Variants in KCNH5 observed in about 807,000 individuals in gnomAD.
KCNH5 encodes potassium voltage-gated channel subfamily H member 5, also known as voltage-gated delayed rectifier potassium channel KCNH5.
Under a neutral mutation model 96.1 loss-of-function variants are expected in KCNH5, and 46 were observed. The observed-to-expected ratio is 0.48, with a 90% CI of 0.38 to 0.61. KCNH5 has a LOEUF of 0.61. KCNH5 is among the 20% of genes least tolerant of loss of function. The probability of loss-of-function intolerance (pLI) is 0.00; values close to 1 mark genes in which losing one functional copy is unlikely to be tolerated. For missense variants in KCNH5, 907 were observed against 1,225.8 expected (o/e 0.74, Z 3.88); for synonymous variants, 439 against 449.8 (o/e 0.98, Z 0.30).
intron 10 of KCNH5, among the ~76,000 whole-genome samples, chr14:62,731,663 C>T (rs1370516094): frequency 6.6e-6 from 1 of 152,172 alleles, no homozygotes; most frequent in Admixed American, 6.5e-5. Context: ...GTTACCTGAA[C>T]TTTATGAAAT....
At chr14:62,898,372 A>T (rs918294381) in intron 7 of KCNH5, among the ~76,000 whole-genome samples, 1 of 152,180 alleles carries the variant, frequency 6.6e-6, no homozygotes, top group Admixed American at 6.5e-5. Flanking sequence ...GACTATGTTA[A>T]GCATACACAT....
intron 10 of KCNH5, among the ~76,000 whole-genome samples, chr14:62,763,685 G>C (rs977191279): frequency 6.6e-6 from 1 of 151,942 alleles, no homozygotes; most frequent in Admixed American, 6.6e-5. Context: ...AAACACATCA[G>C]AAATAACAAA....
At chr14:62,810,631 C>T (rs187701191) in intron 8 of KCNH5, among the ~76,000 whole-genome samples, 1 of 152,210 alleles carries the variant, frequency 6.6e-6, no homozygotes, top group Admixed American at 6.6e-5. Flanking sequence ...ACTACACTCC[C>T]ATCAGTGCCA....
intron 10 of KCNH5, among the ~76,000 whole-genome samples, chr14:62,746,024 G>A (rs1885368487): frequency 6.6e-6 from 1 of 152,166 alleles, no homozygotes. Flanking sequence ...AGAACAAAAT[G>A]GGGGAAGTGG....
At chr14:62,926,295 C>T (rs1306185384) in intron 7 of KCNH5, among the ~76,000 whole-genome samples, 1 of 152,088 alleles carries the variant, frequency 6.6e-6, no homozygotes, top group African/African-American at 2.4e-5. Flanking sequence ...CAGCTCAAAC[C>T]ACTATGTTGG....
At chr14:62,937,143 A>G (rs139327855) in intron 7 of KCNH5, among the ~76,000 whole-genome samples, 34 of 152,250 alleles carry the variant, frequency 2.2e-4, no homozygotes, top group Admixed American at 2.0e-3. Context: ...GACACAACAA[A>G]TGACCATCCA....
intron 8 of KCNH5, among the ~76,000 whole-genome samples, chr14:62,813,874 T>A (rs1314338890): frequency 1.3e-5 from 2 of 152,162 alleles, no homozygotes; most frequent in Non-Finnish European, 2.9e-5. Flanking sequence ...AAAGCTCACC[T>A]TTATATTTAA....
chr14:62,779,140 A>G lies in KCNH5; in HGVS notation c.2019+588T>C, dbSNP rs575401783. Among the ~76,000 whole-genome samples, 54 of 152,342 alleles carry G rather than the reference A, an allele frequency of 3.5e-4. 1 individual carries two copies. The South Asian group carries it at 0.011, about 32-fold the overall frequency. On this transcript the variant is annotated intron_variant, in intron 10 of 10. Coordinates refer to ENST00000322893, the MANE Select transcript of KCNH5 (RefSeq NM_139318.5). Reference sequence around the variant, plus strand: ...CAGAACTAGGAGATTTCTTCATGCAAATTAAATTTGTGTCACACTCATTGG... The same window carrying G: ...CAGAACTAGGAGATTTCTTCATGCAGATTAAATTTGTGTCACACTCATTGG...
At chr14:62,963,783 T>G (rs1254711512) in intron 6 of KCNH5, among the ~76,000 whole-genome samples, 3 of 151,936 alleles carry the variant, frequency 2.0e-5, no homozygotes, top group Non-Finnish European at 4.4e-5. Flanking sequence ...CCAGTTAAGT[T>G]GAGATGAAAT....
intron 8 of KCNH5, among the ~76,000 whole-genome samples, chr14:62,838,705 G>A (rs1029729313): frequency 6.6e-6 from 1 of 152,148 alleles, no homozygotes; most frequent in African/African-American, 2.4e-5. Flanking sequence ...TGCCTTTACA[G>A]TGCAGACATA....
At chr14:62,844,574 G>A (rs1887652977) in intron 8 of KCNH5, among the ~76,000 whole-genome samples, 1 of 151,752 alleles carries the variant, frequency 6.6e-6, no homozygotes, top group Non-Finnish European at 1.5e-5. Flanking sequence ...CAGAATATTA[G>A]CAAGCAGCAA....
chr14:62,809,845 A>G (rs1886838522), intron 8 of KCNH5, among the ~76,000 whole-genome samples: 1 of 152,076 alleles, frequency 6.6e-6, no homozygotes, highest in Non-Finnish European at 1.5e-5. Flanking sequence ...TGTTTCTGCA[A>G]TTTAGGCTAA....
chr14:62,715,364 G>A (rs1884661642), intron 10 of KCNH5, among the ~76,000 whole-genome samples: 1 of 152,180 alleles, frequency 6.6e-6, no homozygotes, highest in Non-Finnish European at 1.5e-5. Flanking sequence ...GCAGTGAGTA[G>A]CTCTGGTTCA....
At chr14:62,821,874 A>G (rs17834917) in intron 8 of KCNH5, among the ~76,000 whole-genome samples, 13,912 of 152,138 alleles carry the variant, frequency 0.091, 775 homozygotes, top group Admixed American at 0.15. Context: ...CAGATCGAAG[A>G]CAGCAAATTG....
intron 8 of KCNH5, among the ~76,000 whole-genome samples, chr14:62,815,868 T>C (rs1886966969): frequency 6.6e-6 from 1 of 151,796 alleles, no homozygotes; most frequent in Non-Finnish European, 1.5e-5. Flanking sequence ...ATTTAAGACA[T>C]ATACACACAC....
At chr14:62,903,806 G>A (rs1357633152) in intron 7 of KCNH5, among the ~76,000 whole-genome samples, 1 of 151,906 alleles carries the variant, frequency 6.6e-6, no homozygotes, top group Non-Finnish European at 1.5e-5. Flanking sequence ...TCCATTTGTG[G>A]GGCTATCAAA....
At position 62,703,572 on chromosome 14, in the gene KCNH5, G is replaced by C. The variant is rs1321775171; in HGVS notation, c.*3936C>G. 6.6e-6 allele frequency: 1 copy of C among 151,800 alleles called. No homozygotes were observed. The highest frequency in any genetic ancestry group is 2.4e-5 in the African/African-American group (1 of 41,398). 9.4% of individuals were successfully genotyped at this position (151,800 alleles called of 1,614,324 possible). On this transcript the variant is annotated 3_prime_UTR_variant, in exon 11 of 11. Coordinates refer to ENST00000322893, the MANE Select transcript of KCNH5 (RefSeq NM_139318.5). ...TAACTTGCCCATAATTACACTTCTAGTTTGTGGTAAAGCTAAATTCAGAAC... is the reference window on the plus strand; with the variant it reads ...TAACTTGCCCATAATTACACTTCTACTTTGTGGTAAAGCTAAATTCAGAAC...
At chr14:62,765,126 T>C (rs905646282) in intron 10 of KCNH5, among the ~76,000 whole-genome samples, 2 of 152,142 alleles carry the variant, frequency 1.3e-5, no homozygotes, top group South Asian at 4.1e-4. Flanking sequence ...CAAACTATAC[T>C]ACAAGGCTAC....
At chr14:62,747,484 T>C (rs934676634) in intron 10 of KCNH5, among the ~76,000 whole-genome samples, 1 of 152,240 alleles carries the variant, frequency 6.6e-6, no homozygotes, top group African/African-American at 2.4e-5. Context: ...ATAATAACTC[T>C]ATTTCTATAG....
Sources: allele counts gnomAD v4.1 joint callset (sites outside exome capture counted in the v4.1 genomes callset), GRCh38; gene constraint gnomAD v4.1.1; transcripts MANE v1.5; gene names NCBI Gene and HGNC (gene_info 2026-07-23, HGNC 2026-07-21).